CHIC1: variants seen among roughly 807,000 people sequenced by gnomAD.
The protein encoded by CHIC1 is cysteine-rich hydrophobic domain-containing protein 1.
A neutral mutation model predicts 18.5 loss-of-function variants in CHIC1; 7 were observed. That is an observed-to-expected ratio of 0.38 (90% CI 0.22 to 0.71). The LOEUF is 0.71. Among genes scored for constraint, CHIC1 ranks in the 30% least tolerant of loss-of-function variants. The probability of loss-of-function intolerance (pLI) is 0.49; values close to 1 mark genes in which losing one functional copy is unlikely to be tolerated. For synonymous variants in CHIC1, 77 were observed against 73.5 expected, an observed-to-expected ratio of 1.05 and a Z score of -0.25; for missense variants, 159 against 176.9, an observed-to-expected ratio of 0.90 and a Z score of 0.57.
chrX:73,569,860 A>G (rs1046258425), intron 1 of CHIC1, among the ~76,000 whole-genome samples: 2 of 111,510 alleles, frequency 1.8e-5, no homozygotes, highest in African/African-American at 6.5e-5. Flanking sequence ...GCCTTTCTTC[A>G]TACTTTTTTA....
At chrX:73,665,502 T>TA (rs2058000129) in intron 3 of CHIC1, among the ~76,000 whole-genome samples, 1 of 111,505 alleles carries the variant, frequency 9.0e-6, no homozygotes, top group African/African-American at 3.3e-5. Context: ...GAGGCTCCAC[T>TA]AGCTTTAAGC....
At chrX:73,620,489 G>T (rs2057754792) in intron 3 of CHIC1, among the ~76,000 whole-genome samples, 1 of 112,038 alleles carries the variant, frequency 8.9e-6, no homozygotes, top group Non-Finnish European at 1.9e-5. Context: ...TTTTTTGGCT[G>T]CATGAATGCC....
chrX:73,609,590 T>C (rs553979134), intron 3 of CHIC1, among the ~76,000 whole-genome samples: 4 of 109,728 alleles, frequency 3.6e-5, no homozygotes, highest in African/African-American at 7.0e-5. Context: ...AAAATACTTA[T>C]AGAGATGGGG....
At position 73,589,623 on chromosome X, in the gene CHIC1, G is replaced by A. The variant is rs749636598; in HGVS notation, c.507+5051G>A. 2.7e-5 allele frequency among the ~76,000 whole-genome samples: 3 copies of A among 110,591 alleles called. No homozygotes were observed. In the South Asian group the frequency reaches 1.1e-3, roughly 42 times the overall value. On this transcript the variant is annotated intron_variant, in intron 3 of 5. Transcript: ENST00000373502. ...TTATCATTTTGTCTTTTAATCATAC[G>A]GGAAAAAGAGTTCCAACCCAAAAAT...
chrX:73,677,795 T>C (rs1446351418), intron 3 of CHIC1, among the ~76,000 whole-genome samples: 3 of 112,058 alleles, frequency 2.7e-5, no homozygotes, highest in Non-Finnish European at 5.6e-5. Flanking sequence ...GGTACCTTAG[T>C]TGGAAATGCA....
intron 3 of CHIC1, among the ~76,000 whole-genome samples, chrX:73,675,892 G>A (rs1013583811): frequency 1.9e-4 from 21 of 109,838 alleles, no homozygotes; most frequent in Non-Finnish European, 3.2e-4. Context: ...TCCATGTTTA[G>A]TGCTTCCATC....
intron 3 of CHIC1, among the ~76,000 whole-genome samples, chrX:73,630,925 T>C: frequency 8.9e-6 from 1 of 111,997 alleles, no homozygotes; most frequent in Non-Finnish European, 1.9e-5. Context: ...TGCTCTTTTT[T>C]GTTTTGTTCA....
chrX:73,680,600 AT>A (rs1239417336), intron 5 of CHIC1, among the ~76,000 whole-genome samples: 1 of 111,112 alleles, frequency 9.0e-6, no homozygotes, highest in Non-Finnish European at 1.9e-5. Flanking sequence ...TCTGTATAGC[AT>A]TTTTTTAATC....
intron 3 of CHIC1, among the ~76,000 whole-genome samples, chrX:73,622,125 G>C (rs986011624): frequency 1.8e-5 from 2 of 111,829 alleles, no homozygotes; most frequent in African/African-American, 6.5e-5. Context: ...TTTTCACATT[G>C]ATGTTCATCA....
At chrX:73,669,382 A>G (rs927549108) in intron 3 of CHIC1, among the ~76,000 whole-genome samples, 11 of 110,655 alleles carry the variant, frequency 9.9e-5, no homozygotes, top group East Asian at 5.8e-4. Flanking sequence ...CAAAGCCACT[A>G]TGTTGCATTA....
At chrX:73,604,985 G>A (rs768881166) in intron 3 of CHIC1, among the ~76,000 whole-genome samples, 1 of 108,746 alleles carries the variant, frequency 9.2e-6, no homozygotes, top group East Asian at 2.8e-4. Flanking sequence ...GTTGACTTGG[G>A]GTGGAGAGTT....
chrX:73,613,167 C>A (rs2057717027), intron 3 of CHIC1, among the ~76,000 whole-genome samples: 1 of 111,657 alleles, frequency 9.0e-6, no homozygotes. Context: ...TTTATCCATA[C>A]CTATTCTTTC....
At chrX:73,591,881 A>T (rs1448226630) in intron 3 of CHIC1, among the ~76,000 whole-genome samples, 1 of 111,573 alleles carries the variant, frequency 9.0e-6, no homozygotes, top group Admixed American at 9.5e-5. Context: ...TCTTTCACCA[A>T]TTCCACACTA....
At chrX:73,582,674 A>G (rs999456897) in intron 2 of CHIC1, among the ~76,000 whole-genome samples, 1 of 110,396 alleles carries the variant, frequency 9.1e-6, no homozygotes, top group African/African-American at 3.3e-5. Flanking sequence ...TCTCAGAGAC[A>G]TGATTTATGG....
In CHIC1 at chrX:73,669,639, C is replaced by T. The variant is rs745558372; in HGVS notation, c.508-9687C>T. On this transcript the variant is annotated intron_variant, in intron 3 of 5. Coordinates refer to ENST00000373502, the MANE Select transcript of CHIC1 (RefSeq NM_001039840.4). ...ATGGATTTGGTCCCACTTAAAGAAG[C>T]AGTCTGGTGACAATCTGGCCAAGCC... Among the ~76,000 whole-genome samples the T allele has an allele frequency of 2.2e-3, 249 of 111,768 alleles. 1 individual carries two copies. Among genetic ancestry groups the T allele is most frequent in the African/African-American group, 7.0e-3 (215 of 30,702 alleles).
At chrX:73,599,115 C>A (rs770482770) in intron 3 of CHIC1, among the ~76,000 whole-genome samples, 2 of 110,207 alleles carry the variant, frequency 1.8e-5, no homozygotes, top group East Asian at 5.8e-4. Flanking sequence ...TGTTTTTTGG[C>A]TGCATAAATG....
chrX:73,631,472 CAA>C (rs898764200), intron 3 of CHIC1, among the ~76,000 whole-genome samples: 1 of 101,539 alleles, frequency 9.8e-6, no homozygotes, highest in Non-Finnish European at 2.0e-5. Flanking sequence ...ACTAAAAATA[CAA>C]AAAAAAAAAT....
At chrX:73,597,216 G>T (rs893263756) in intron 3 of CHIC1, among the ~76,000 whole-genome samples, 11 of 111,516 alleles carry the variant, frequency 9.9e-5, no homozygotes, top group Non-Finnish European at 2.1e-4. Flanking sequence ...TTGTGATTTC[G>T]ACATACATTT....
chrX:73,602,351 T>C (rs1462052386), intron 3 of CHIC1, among the ~76,000 whole-genome samples: 1 of 108,873 alleles, frequency 9.2e-6, no homozygotes, highest in Non-Finnish European at 1.9e-5. Context: ...CTTCACCCAC[T>C]TTTTGAGGGG....
Sources: gnomAD v4.1 joint callset for allele counts (sites outside exome capture counted in the v4.1 genomes callset) on GRCh38, gnomAD v4.1.1 for gene constraint, MANE v1.5 for transcripts, NCBI Gene and HGNC (gene_info 2026-07-23, HGNC 2026-07-21) for gene names.